XKR6: variants seen among roughly 807,000 people sequenced by gnomAD.
The protein encoded by XKR6 is XK related 6.
A neutral mutation model predicts 56.7 loss-of-function variants in XKR6; 22 were observed. The ratio of observed to expected loss-of-function variants is 0.39; its 90% CI spans 0.28 to 0.55. The LOEUF (loss-of-function observed/expected upper bound fraction) is 0.55. Ranked by LOEUF, XKR6 falls within the 20% of genes least tolerant of loss-of-function variation. The pLI, the probability that XKR6 is intolerant of heterozygous loss-of-function variation, is 0.66. For missense variants in XKR6, 852 were observed against 889.0 expected (o/e 0.96, Z 0.53); for synonymous variants, 524 against 387.8 (o/e 1.35, Z -4.13).
intron 1 of XKR6, among the ~76,000 whole-genome samples, chr8:11,195,435 A>G (rs1301993712): frequency 1.3e-5 from 2 of 152,138 alleles, no homozygotes; most frequent in Non-Finnish European, 1.5e-5. Context: ...TCTCACTAAC[A>G]TATCAATATA....
At chr8:11,040,359 TAAAAA>T (rs143219123) in intron 1 of XKR6, among the ~76,000 whole-genome samples, 8 of 107,326 alleles carry the variant, frequency 7.5e-5, no homozygotes, top group Non-Finnish European at 1.2e-4. Context: ...TCATGTCTGC[TAAAAA>T]AAAAAAAAAA....
Position 11,201,716 on chromosome 8 carries a change from G to C in XKR6, c.-377C>G, listed in dbSNP as rs914773176. Among the ~76,000 whole-genome samples, 2 of 152,218 alleles carry C rather than the reference G, an allele frequency of 1.3e-5. No individual in the cohort carries two copies. The highest frequency in any genetic ancestry group is 1.3e-4 in the Admixed American group (2 of 15,286). ...TGACCCCTCGGCGTTTCAGAATCCGGCTGGCCCGAGTGAGGCGGTCCAAAG... is the reference window on the plus strand; with the variant it reads ...TGACCCCTCGGCGTTTCAGAATCCGCCTGGCCCGAGTGAGGCGGTCCAAAG... On this transcript the variant is annotated 5_prime_UTR_variant, in exon 1 of 3. Transcript: ENST00000416569.
At chr8:10,929,653 T>A (rs1170584081) in intron 1 of XKR6, among the ~76,000 whole-genome samples, 5 of 152,200 alleles carry the variant, frequency 3.3e-5, no homozygotes, top group Non-Finnish European at 7.4e-5. Flanking sequence ...GAGCCTTAGT[T>A]TCCTCATGTA....
At position 11,097,807 on chromosome 8, in the gene XKR6, C is replaced by CAAAAAAAA. The variant is rs1196874380; in HGVS notation, c.764+102761_764+102768dup. The stretch of plus-strand genomic sequence containing the variant: ...GGGGGACAAGAGCTAGACTCCATCT[C>CAAAAAAAA]AAAAAAAAAAAAAAAAAAAAATTAT... On this transcript the variant is annotated intron_variant, in intron 1 of 2. Transcript: ENST00000416569. 2.7e-3 allele frequency among the ~76,000 whole-genome samples: 173 copies of CAAAAAAAA among 62,940 alleles called. 6 individuals are homozygous for CAAAAAAAA. Among genetic ancestry groups the CAAAAAAAA allele is most frequent in the African/African-American group, 9.5e-3 (162 of 17,074 alleles). The allele number at this position is 62,940 out of a possible 152,430, so 41.3% of individuals were successfully genotyped here. A position where few individuals can be genotyped will look rare whatever the true frequency, so the allele number is the denominator to read the frequency against.
At chr8:11,119,407 G>A (rs903993337) in intron 1 of XKR6, among the ~76,000 whole-genome samples, 2 of 152,102 alleles carry the variant, frequency 1.3e-5, no homozygotes, top group Non-Finnish European at 2.9e-5. Context: ...TTGACAGTGG[G>A]GTGGTAAAGT....
chr8:10,992,817 G>C (rs1033819385), intron 1 of XKR6, among the ~76,000 whole-genome samples: 3 of 152,154 alleles, frequency 2.0e-5, no homozygotes, highest in Non-Finnish European at 4.4e-5. Context: ...GATGGTCCTT[G>C]AGGCACGTCC....
chr8:11,021,635 C>T (rs1177623776), intron 1 of XKR6, among the ~76,000 whole-genome samples: 1 of 152,142 alleles, frequency 6.6e-6, no homozygotes, highest in Non-Finnish European at 1.5e-5. Flanking sequence ...ATCCCAAACG[C>T]TCCAGAGTCC....
intron 1 of XKR6, among the ~76,000 whole-genome samples, chr8:10,944,123 C>T (rs575771476): frequency 8.5e-4 from 129 of 152,124 alleles, no homozygotes; most frequent in Non-Finnish European, 1.4e-3. Flanking sequence ...CAGCCCACCA[C>T]GGTAACATCC....
intron 1 of XKR6, among the ~76,000 whole-genome samples, chr8:11,179,180 T>A (rs1011556983): frequency 5.3e-5 from 8 of 152,154 alleles, no homozygotes; most frequent in African/African-American, 1.9e-4. Context: ...TCATTTTGAT[T>A]GGTTTCGGTT....
Position 11,200,741 on chromosome 8 carries a change from G to A in XKR6, c.599C>T (p.Thr200Ile). The A allele has an allele frequency of 6.3e-7, 1 of 1,594,290 alleles. No homozygotes were observed. The highest frequency in any genetic ancestry group is 1.7e-5 in the Admixed American group (1 of 57,970). ...CCCCATCATGGGGGGGCCCCGGCTGGTGAGCCCCTCCACGGCGCCCAGCCC... is the reference window on the plus strand; with the variant it reads ...CCCCATCATGGGGGGGCCCCGGCTGATGAGCCCCTCCACGGCGCCCAGCCC... Reference protein sequence around the residue: ...GGGLGAVEGLTSRGPPMMGAG... With the variant: ...GGGLGAVEGLISRGPPMMGAG... Residue 200 changes from threonine (T) to isoleucine (I), a missense_variant, in exon 1 of 3, where the codon ACC becomes ATC. Coordinates refer to ENST00000416569, the MANE Select transcript of XKR6 (RefSeq NM_173683.4). The surrounding 1 kb of genome is among the most constrained non-coding windows in gnomAD (Gnocchi z 6.4).
intron 1 of XKR6, among the ~76,000 whole-genome samples, chr8:10,980,157 G>A (rs960129522): frequency 3.3e-5 from 5 of 152,332 alleles, no homozygotes; most frequent in Admixed American, 3.3e-4. Flanking sequence ...GAACGTCTGA[G>A]CTTGGTACTA....
chr8:11,115,679 C>T (rs1799137383), intron 1 of XKR6, among the ~76,000 whole-genome samples: 1 of 152,122 alleles, frequency 6.6e-6, no homozygotes, highest in Non-Finnish European at 1.5e-5. Flanking sequence ...TCAAATTAAG[C>T]TCCATGTTCA....
At chr8:10,999,514 A>G (rs1798190976) in intron 1 of XKR6, among the ~76,000 whole-genome samples, 1 of 152,184 alleles carries the variant, frequency 6.6e-6, no homozygotes, top group South Asian at 2.1e-4. Context: ...TTCAGAAGAA[A>G]TTTTTTCAAG....
At chr8:11,047,998 T>C (rs1352388531) in intron 1 of XKR6, among the ~76,000 whole-genome samples, 1 of 152,118 alleles carries the variant, frequency 6.6e-6, no homozygotes, top group African/African-American at 2.4e-5. Flanking sequence ...AACACAGACA[T>C]GTCAGCCTCC....
At chr8:11,136,475 G>C (rs1410392155) in intron 1 of XKR6, among the ~76,000 whole-genome samples, 1 of 146,052 alleles carries the variant, frequency 6.8e-6, no homozygotes, top group Non-Finnish European at 1.5e-5. Flanking sequence ...TTGCACTCCA[G>C]CCCGGGCAAC....
chr8:10,971,232 T>C (rs555508769), intron 1 of XKR6, among the ~76,000 whole-genome samples: 2 of 151,846 alleles, frequency 1.3e-5, no homozygotes, highest in East Asian at 2.0e-4. Context: ...TCATCCTGGC[T>C]AACACGGCGA....
intron 2 of XKR6, among the ~76,000 whole-genome samples, chr8:10,914,293 GAGTATATAC>G (rs1478802441): frequency 2.0e-5 from 3 of 152,164 alleles, no homozygotes; most frequent in African/African-American, 7.2e-5. Context: ...GCCTCTTCCT[GAGTATATAC>G]AGTATATACT....
intron 1 of XKR6, among the ~76,000 whole-genome samples, chr8:11,017,856 G>A (rs570454439): frequency 2.0e-5 from 3 of 152,292 alleles, no homozygotes; most frequent in Admixed American, 6.5e-5. Flanking sequence ...CTGGATCCCC[G>A]GATCCTGAGA....
At chr8:11,008,704 C>G (rs1488117853) in intron 1 of XKR6, among the ~76,000 whole-genome samples, 1 of 152,102 alleles carries the variant, frequency 6.6e-6, no homozygotes, top group African/African-American at 2.4e-5. Context: ...TGTGAACCAC[C>G]ACCCCGGCCT....
Sources: allele counts gnomAD v4.1 joint callset (sites outside exome capture counted in the v4.1 genomes callset), GRCh38; gene constraint gnomAD v4.1.1; non-coding constraint Gnocchi (gnomAD v3.1); transcripts MANE v1.5; gene names NCBI Gene and HGNC (gene_info 2026-07-23, HGNC 2026-07-21).